TMEM232: variants seen among roughly 807,000 people sequenced by gnomAD.
The protein encoded by TMEM232 is transmembrane protein 232.
In TMEM232, 80 loss-of-function variants were observed where a neutral mutation model predicts 78.8. The ratio of observed to expected loss-of-function variants is 1.01; its 90% confidence interval spans 0.85 to 1.22. The LOEUF (loss-of-function observed/expected upper bound fraction) is 1.22. Ranked by LOEUF, TMEM232 falls within the 50% of genes most tolerant of loss-of-function variation. The pLI, the probability that TMEM232 is intolerant of heterozygous loss-of-function variation, is 0.00. For synonymous variants in TMEM232, 297 were observed against 254.3 expected (o/e 1.17, Z -1.60); for missense variants, 881 against 742.2 (o/e 1.19, Z -2.17).
intron 11 of TMEM232, among the ~76,000 whole-genome samples, chr5:110,558,318 A>T (rs1775342940): frequency 6.6e-6 from 1 of 152,170 alleles, no homozygotes; most frequent in African/African-American, 2.4e-5. Context: ...GTACATGTAC[A>T]TGTGCACCAA....
intron 11 of TMEM232, among the ~76,000 whole-genome samples, chr5:110,530,009 G>T (rs1193970058): frequency 6.6e-6 from 1 of 152,126 alleles, no homozygotes; most frequent in Non-Finnish European, 1.5e-5. Context: ...AGTGACTCAG[G>T]ATTCATTTTA....
chr5:110,667,146 G>A (rs1233869302), intron 2 of TMEM232, 82 bp downstream of exon 2: 2 of 1,132,076 alleles, frequency 1.8e-6, no homozygotes, highest in Admixed American at 3.5e-5. Context: ...AGAGAACTAT[G>A]GGTGAATTTT....
chr5:110,475,032 A>G (rs1277499577), intron 12 of TMEM232, among the ~76,000 whole-genome samples: 10 of 152,012 alleles, frequency 6.6e-5, no homozygotes, highest in African/African-American at 1.7e-4. Context: ...TAAAAATTCA[A>G]AAGTCCTGAA....
Position 110,613,464 on chromosome 5 carries a change from G to A in TMEM232, c.902+4965C>T, listed in dbSNP as rs1016658894. Reference sequence around the variant, plus strand: ...TTTGCTTTTAAATCTCGGAACATTTGTTCAACATTATGTTACTTTCCTGAA... The same window carrying A: ...TTTGCTTTTAAATCTCGGAACATTTATTCAACATTATGTTACTTTCCTGAA... On this transcript the variant is annotated intron_variant, in intron 8 of 13. Coordinates refer to ENST00000455884, the MANE Select transcript of TMEM232 (RefSeq NM_001039763.4). Among the ~76,000 whole-genome samples, 19 of 152,048 alleles carry A rather than the reference G, an allele frequency of 1.2e-4. 1 individual carries two copies. The highest frequency in any genetic ancestry group is 4.6e-4 in the African/African-American group (19 of 41,422).
intron 1 of TMEM232, among the ~76,000 whole-genome samples, chr5:110,686,809 G>C (rs887913596): frequency 6.6e-6 from 1 of 152,074 alleles, no homozygotes; most frequent in African/African-American, 2.4e-5. Flanking sequence ...GAACATAAAA[G>C]TTCAAAAACA....
intron 12 of TMEM232, among the ~76,000 whole-genome samples, chr5:110,449,446 G>T (rs1303192507): frequency 1.3e-5 from 2 of 151,834 alleles, no homozygotes; most frequent in South Asian, 4.1e-4. Context: ...TAAAATGGTT[G>T]CTTTTTAGCT....
At position 110,618,315 on chromosome 5, in the gene TMEM232, A is replaced by C. The variant is rs998972146; in HGVS notation, c.902+114T>G. 4 of 1,316,168 alleles carry C rather than the reference A, an allele frequency of 3.0e-6. No homozygotes were observed. The South Asian group carries it at 5.7e-5, about 19-fold the overall frequency. 81.5% of individuals were successfully genotyped at this position (1,316,168 alleles called of 1,614,324 possible). ...CATTGCCTTTGGAACTGAGATTATA[A>C]ATTTGTTTCATAGTCAACTGAGGTG... On this transcript the variant is annotated intron_variant, in intron 8 of 13. Coordinates refer to ENST00000455884, the MANE Select transcript of TMEM232 (RefSeq NM_001039763.4).
chr5:110,463,354 T>C (rs968897972), intron 12 of TMEM232, among the ~76,000 whole-genome samples: 21 of 152,234 alleles, frequency 1.4e-4, no homozygotes, highest in African/African-American at 4.6e-4. Flanking sequence ...GACATAATGT[T>C]ATTGCATGCT....
intron 2 of TMEM232, among the ~76,000 whole-genome samples, chr5:110,644,828 TAAAC>T (rs1787253323): frequency 1.3e-5 from 2 of 150,318 alleles, no homozygotes; most frequent in Admixed American, 6.6e-5. Context: ...CTTGAAAAAA[TAAAC>T]AAAATTGAAA....
At position 110,642,311 on chromosome 5, in the gene TMEM232, T is replaced by C. The variant is rs1042625562; in HGVS notation, c.186A>G (p.Lys62=). 1 of 1,540,840 alleles carries C rather than the reference T, an allele frequency of 6.5e-7. No homozygotes were observed. The highest frequency in any genetic ancestry group is 1.4e-5 in the African/African-American group (1 of 72,364). Residue 62 remains lysine, a synonymous_variant, in exon 3 of 14, where the codon AAA becomes AAG. Coordinates refer to ENST00000455884, the MANE Select transcript of TMEM232 (RefSeq NM_001039763.4). ...CTAGTTCCAACAATTCTTCCTTCTC[T>C]TTGGAATTTTGTGTTTGATTGAATC... is the stretch of plus-strand genomic sequence containing the variant. ...ILRFNQTQNS[K]EKEELLELAR...
intron 12 of TMEM232, among the ~76,000 whole-genome samples, chr5:110,506,466 A>C (rs1766919863): frequency 6.6e-6 from 1 of 152,184 alleles, no homozygotes; most frequent in Non-Finnish European, 1.5e-5. Context: ...TTGTCCACAC[A>C]CTGGAGTAAA....
intron 12 of TMEM232, among the ~76,000 whole-genome samples, chr5:110,465,176 G>A (rs1761942406): frequency 6.6e-6 from 1 of 152,236 alleles, no homozygotes; most frequent in South Asian, 2.1e-4. Flanking sequence ...GACAAAGACA[G>A]GGAAAACCAG....
chr5:110,451,064 G>A (rs892920791), intron 12 of TMEM232, among the ~76,000 whole-genome samples: 5 of 152,108 alleles, frequency 3.3e-5, no homozygotes, highest in East Asian at 1.9e-4. Context: ...AAGGAATACC[G>A]CATTTGGCTG....
At chr5:110,401,631 T>C (rs1440037261) in intron 2 of TMEM232, among the ~76,000 whole-genome samples, 2 of 152,082 alleles carry the variant, frequency 1.3e-5, no homozygotes. Flanking sequence ...GTGTGCTTAA[T>C]AAGTGTTTGC....
At chr5:110,475,157 G>T (rs1415278067) in intron 12 of TMEM232, among the ~76,000 whole-genome samples, 1 of 151,934 alleles carries the variant, frequency 6.6e-6, no homozygotes, top group Non-Finnish European at 1.5e-5. Flanking sequence ...TGGAACAATA[G>T]AGAGTCCAGC....
At chr5:110,665,571 C>T (rs746625246) in intron 2 of TMEM232, among the ~76,000 whole-genome samples, 1 of 152,060 alleles carries the variant, frequency 6.6e-6, no homozygotes, top group African/African-American at 2.4e-5. Flanking sequence ...ATCAAACAAC[C>T]AGACTGCATA....
chr5:110,488,276 C>A (rs1764679452), intron 12 of TMEM232, among the ~76,000 whole-genome samples: 1 of 151,894 alleles, frequency 6.6e-6, no homozygotes, highest in Non-Finnish European at 1.5e-5. Flanking sequence ...AGTGGGCTAT[C>A]AATTTTATTT....
intron 13 of TMEM232, among the ~76,000 whole-genome samples, chr5:110,421,286 T>G (rs1316930912): frequency 1.3e-5 from 2 of 152,096 alleles, no homozygotes; most frequent in Non-Finnish European, 1.5e-5. Context: ...TTTTTCTTTT[T>G]CTTTTGCTTT....
In TMEM232 at chr5:110,480,267, C is replaced by T. The variant is rs560530757; in HGVS notation, c.1703+48321G>A. Among the ~76,000 whole-genome samples the T allele has an allele frequency of 1.9e-4, 29 of 151,726 alleles. No homozygotes were observed. The South Asian group carries it at 5.8e-3, about 30-fold the overall frequency. ...ATCTTCAGAGATTAAGAAAAAATAA[C>T]CATTTTATTTTTTATATTCATCTTT... On this transcript the variant is annotated intron_variant, in intron 12 of 13. Coordinates refer to ENST00000455884, the MANE Select transcript of TMEM232 (RefSeq NM_001039763.4).
Sources: gnomAD v4.1 joint callset for allele counts (sites outside exome capture counted in the v4.1 genomes callset) on GRCh38, gnomAD v4.1.1 for gene constraint, MANE v1.5 for transcripts, NCBI Gene and HGNC (gene_info 2026-07-23, HGNC 2026-07-21) for gene names.